RANGAP1: variants seen among roughly 807,000 people sequenced by gnomAD.
RANGAP1 encodes Ran GTPase activating protein 1.
In RANGAP1, 38 loss-of-function variants were observed where a neutral mutation model predicts 63.5. That is an observed-to-expected ratio of 0.60 (90% CI 0.46 to 0.78). The LOEUF (loss-of-function observed/expected upper bound fraction) is 0.78, where lower values mean the gene tolerates loss of function less well. RANGAP1 is among the 30% of genes least tolerant of loss of function. The pLI is 0.00. For missense variants in RANGAP1, 630 were observed against 740.3 expected (o/e 0.85, Z 1.73); for synonymous variants, 329 against 310.5 (o/e 1.06, Z -0.63).
chr22:41,298,280 C>T, the RANGAP1 span, among the ~76,000 whole-genome samples: 14 of 151,678 alleles, frequency 9.2e-5, 1 homozygote, highest in Admixed American at 6.6e-4. Context: ...GGATTACAGG[C>T]GTGAGCCACA....
chr22:41,280,999 T>C lies in RANGAP1; in HGVS notation c.46A>G (p.Thr16Ala). Residue 16 changes from threonine to alanine, a missense_variant, in exon 2 of 16, where the codon ACT becomes GCT. Physicochemically the swap from Thr to Ala is moderately conservative, Grantham distance 58 (BLOSUM62 0). This residue lies in a region of RANGAP1 where 65 missense variants were observed against 60.5 expected (regional missense o/e 1.07). Coordinates refer to ENST00000356244, the MANE Select transcript of RANGAP1 (RefSeq NM_002883.4). Reference sequence around the variant, plus strand: ...CTCAGCTGTCCCCCGGCCACCTGAGTCTTGGCAAGTGTCTCTGCCAGCTTG... The same window carrying C: ...CTCAGCTGTCCCCCGGCCACCTGAGCCTTGGCAAGTGTCTCTGCCAGCTTG... ...IAKLAETLAKTQVAGGQLSFK... is the reference protein window; with the variant it reads ...IAKLAETLAKAQVAGGQLSFK... The C allele has an allele frequency of 6.2e-7, 1 of 1,612,866 alleles. No individual in the cohort carries two copies. The highest frequency in any genetic ancestry group is 8.5e-7 in the Non-Finnish European group (1 of 1,179,524).
chr22:41,270,744 C>A (rs1278869711), intron 3 of RANGAP1, among the ~76,000 whole-genome samples: 3 of 152,192 alleles, frequency 2.0e-5, no homozygotes, highest in Non-Finnish European at 4.4e-5. Flanking sequence ...ATCCGCATAT[C>A]CACCAATAAA....
chr22:41,253,196 G>A (rs1210683386), intron 11 of RANGAP1: 3 of 500,192 alleles, frequency 6.0e-6, no homozygotes, highest in Non-Finnish European at 6.0e-6. Flanking sequence ...CTTGGTCCAG[G>A]AGCCTTTGGG....
intron 2 of RANGAP1, chr22:41,280,666 GC>G (rs771990763): frequency 1.5e-5 from 21 of 1,394,622 alleles, no homozygotes; most frequent in Non-Finnish European, 2.0e-5. Context: ...ACTAACTGTG[GC>G]CCCTCATTAC....
chr22:41,295,365 T>C, the RANGAP1 span, among the ~76,000 whole-genome samples: 1 of 151,952 alleles, frequency 6.6e-6, no homozygotes, highest in African/African-American at 2.4e-5. Context: ...GAAAAATTCT[T>C]CTGCCTTGGG....
chr22:41,280,963 T>C lies in RANGAP1; in HGVS notation c.82A>G (p.Lys28Glu). ...VAGGQLSFKG[K>E]SLKLNTAEDA... is the part of the protein sequence containing the mutation. ...TCTGCAGTGTTGAGTTTGAGGCTCT[T>C]GCCTTTGAAACTCAGCTGTCCCCCG... Residue 28 changes from lysine to glutamate, a missense_variant, in exon 2 of 16, where the codon AAG (lysine) becomes GAG (glutamate). Lys to Glu is a moderately conservative substitution (Grantham distance 56). Coordinates refer to ENST00000356244, the MANE Select transcript of RANGAP1 (RefSeq NM_002883.4). 2 of 1,614,048 alleles carry C rather than the reference T, an allele frequency of 1.2e-6. No individual in the cohort carries two copies. Among genetic ancestry groups the C allele is most frequent in the Non-Finnish European group, 1.7e-6 (2 of 1,180,036 alleles).
In RANGAP1 at chr22:41,281,735, T is replaced by C. The variant is rs556786810; in HGVS notation, c.-38-653A>G. On this transcript the variant is annotated intron_variant, in intron 1 of 15. Coordinates refer to ENST00000356244, the MANE Select transcript of RANGAP1 (RefSeq NM_002883.4). ...ATAGGACAGGGACAGGGCTGCTACC[T>C]ATGAAGCCCTACTATACTCAAGTCT... 4.7e-5 allele frequency: 32 copies of C among 683,868 alleles called. No individual in the cohort carries two copies. In the African/African-American group the frequency reaches 6.1e-4, roughly 13 times the overall value. The allele number at this position is 683,868 out of a possible 1,614,324, so 42.4% of individuals were successfully genotyped here.
chr22:41,260,812 C>T (rs566389937), intron 6 of RANGAP1, among the ~76,000 whole-genome samples: 1 of 152,118 alleles, frequency 6.6e-6, no homozygotes, highest in Non-Finnish European at 1.5e-5. Flanking sequence ...CACTGCACTC[C>T]AGCATGGGTG....
At chr22:41,252,560 C>T (rs138807630) in intron 12 of RANGAP1, among the ~76,000 whole-genome samples, 52 of 152,228 alleles carry the variant, frequency 3.4e-4, no homozygotes, top group African/African-American at 1.1e-3. Context: ...GCTGGGCTGA[C>T]GGAACACGCA....
intron 15 of RANGAP1, among the ~76,000 whole-genome samples, chr22:41,248,924 G>T (rs1257802738): frequency 1.3e-5 from 2 of 152,208 alleles, no homozygotes; most frequent in Non-Finnish European, 2.9e-5. Context: ...GCGCTGCTGT[G>T]AATGTGGACA....
chr22:41,265,998 C>T (rs369632703), intron 4 of RANGAP1, among the ~76,000 whole-genome samples: 453 of 152,068 alleles, frequency 3.0e-3, no homozygotes, highest in Middle Eastern at 0.01. Flanking sequence ...GTCGGGAGAT[C>T]GAGACCATCC....
intron 3 of RANGAP1, among the ~76,000 whole-genome samples, chr22:41,271,178 C>G (rs1044541367): frequency 2.0e-5 from 3 of 150,812 alleles, no homozygotes; most frequent in Admixed American, 6.6e-5. Context: ...CTGCTTGAGC[C>G]TAGGAGATCA....
At chr22:41,249,885 T>C (rs796184982) in intron 13 of RANGAP1, 68 bp from the exon 14 acceptor site, 13 of 1,400,020 alleles carry the variant, frequency 9.3e-6, no homozygotes, top group African/African-American at 5.7e-5. Flanking sequence ...GCACCCAGGG[T>C]TCCCCCAACA....
the RANGAP1 span, among the ~76,000 whole-genome samples, chr22:41,293,816 A>T: frequency 0.054 from 8,070 of 150,432 alleles, 744 homozygotes; most frequent in African/African-American, 0.19. Context: ...TTGGTTTTTT[A>T]AAAAAATTCC....
At chr22:41,293,476 G>A in the RANGAP1 span, among the ~76,000 whole-genome samples, 1 of 151,810 alleles carries the variant, frequency 6.6e-6, no homozygotes. Context: ...AAATGCAAAA[G>A]AGCATTAAGA....
At chr22:41,266,351 T>C (rs1385050775) in intron 4 of RANGAP1, among the ~76,000 whole-genome samples, 4 of 152,172 alleles carry the variant, frequency 2.6e-5, no homozygotes, top group African/African-American at 9.7e-5. Context: ...ATTGGGAACA[T>C]AGAGATAAGA....
At chr22:41,270,827 G>A (rs1476915374) in intron 3 of RANGAP1, among the ~76,000 whole-genome samples, 3 of 152,198 alleles carry the variant, frequency 2.0e-5, no homozygotes, top group African/African-American at 4.8e-5. Context: ...CCACCTGCAC[G>A]TGGGTCCACA....
At chr22:41,286,956 A>C (rs189387960), upstream of RANGAP1, among the ~76,000 whole-genome samples, 63 of 152,356 alleles carry the variant, frequency 4.1e-4, no homozygotes, top group East Asian at 6.7e-3. Context: ...AAAACTGAGG[A>C]ACTGTTGCCG....
chr22:41,293,643 G>T, the RANGAP1 span, among the ~76,000 whole-genome samples: 1 of 149,792 alleles, frequency 6.7e-6, no homozygotes, highest in African/African-American at 2.5e-5. Context: ...GTTGAATGTG[G>T]TGGCGGGCGC....
Sources: allele counts gnomAD v4.1 joint callset (sites outside exome capture counted in the v4.1 genomes callset), GRCh38; gene constraint gnomAD v4.1.1; regional missense constraint gnomAD v4.1.1; transcripts MANE v1.5; gene names NCBI Gene and HGNC (gene_info 2026-07-23, HGNC 2026-07-21).